NR3C2: variants seen among roughly 807,000 people sequenced by gnomAD.
The protein encoded by NR3C2 is nuclear receptor subfamily 3 group C member 2.
A neutral mutation model predicts 86.4 loss-of-function variants in NR3C2; 15 were observed. The observed-to-expected ratio is 0.17, with a 90% CI of 0.12 to 0.27. The LOEUF (loss-of-function observed/expected upper bound fraction) is 0.27, where lower values mean the gene tolerates loss of function less well. NR3C2 is among the 10% of genes least tolerant of loss of function. NR3C2 has a pLI of 1.00. For synonymous variants in NR3C2, 458 were observed against 450.5 expected (o/e 1.02, Z -0.21); for missense variants, 960 against 1,195.6 (o/e 0.80, Z 2.91).
chr4:148,443,147 G>A (rs535593340), upstream of NR3C2, among the ~76,000 whole-genome samples: 43 of 128,776 alleles, frequency 3.3e-4, no homozygotes, highest in East Asian at 9.9e-3. Context: ...CACTCGATTT[G>A]AATTTAGTTG....
chr4:148,134,639 C>CTTTTTTTTTTT (rs1560938861), intron 6 of NR3C2, among the ~76,000 whole-genome samples: 87 of 58,036 alleles, frequency 1.5e-3, no homozygotes, highest in Non-Finnish European at 2.9e-3. Context: ...CTCTCTCTCT[C>CTTTTTTTTTTT]TCTCTTTTTT....
chr4:148,268,129 T>C (rs1352088803), intron 2 of NR3C2, among the ~76,000 whole-genome samples: 2 of 152,030 alleles, frequency 1.3e-5, no homozygotes, highest in East Asian at 3.9e-4. Flanking sequence ...TTAGTAGAGA[T>C]GAGGTTTCAC....
chr4:148,095,599 C>T (rs1285138456), intron 8 of NR3C2, among the ~76,000 whole-genome samples: 1 of 152,174 alleles, frequency 6.6e-6, no homozygotes, highest in South Asian at 2.1e-4. Context: ...AGTGAGCATG[C>T]TCGGTGCAGC....
At chr4:148,240,412 T>C (rs1229769016) in intron 3 of NR3C2, among the ~76,000 whole-genome samples, 3 of 152,024 alleles carry the variant, frequency 2.0e-5, no homozygotes, top group Admixed American at 1.3e-4. Flanking sequence ...GGACAGTGCA[T>C]GTTTCAAGTA....
chr4:148,096,258 G>A (rs1731271745), intron 8 of NR3C2, among the ~76,000 whole-genome samples: 1 of 152,152 alleles, frequency 6.6e-6, no homozygotes, highest in South Asian at 2.1e-4. Context: ...TGAAAGGGTG[G>A]TGTTTGAAAT....
At chr4:148,276,325 G>GT (rs1053669316) in intron 2 of NR3C2, among the ~76,000 whole-genome samples, 57 of 152,132 alleles carry the variant, frequency 3.7e-4, no homozygotes, top group Admixed American at 1.4e-3. Flanking sequence ...TGCCTGTATG[G>GT]TTTTTTCAAT....
In NR3C2 at chr4:148,080,836, C is replaced by CTGT. The variant is rs1182602524; in HGVS notation, c.*505_*507dup. On this transcript the variant is annotated 3_prime_UTR_variant, in exon 9 of 9. Coordinates refer to ENST00000358102, the MANE Select transcript of NR3C2 (RefSeq NM_000901.5). ...CAGCTGCTGCCCCACGCCACGAGTT[C>CTGT]TGTTATTACACAACAGGAATCTGTA... 1.9e-5 allele frequency: 8 copies of CTGT among 421,728 alleles called. No homozygotes were observed. The highest frequency in any genetic ancestry group is 1.6e-4 in the African/African-American group (8 of 48,946). 26.1% of individuals were successfully genotyped at this position (421,728 alleles called of 1,614,324 possible).
chr4:148,113,021 G>A (rs550084726), intron 8 of NR3C2, among the ~76,000 whole-genome samples: 64 of 152,288 alleles, frequency 4.2e-4, no homozygotes, highest in African/African-American at 1.5e-3. Context: ...GCATGACTGC[G>A]TACAACATCG....
intron 2 of NR3C2, among the ~76,000 whole-genome samples, chr4:148,327,129 G>C (rs1744010263): frequency 6.6e-6 from 1 of 152,144 alleles, no homozygotes. Flanking sequence ...AAAGATGTGA[G>C]AGGGGTTAGG....
At chr4:148,191,468 G>A (rs143303212) in intron 4 of NR3C2, among the ~76,000 whole-genome samples, 112 of 152,322 alleles carry the variant, frequency 7.4e-4, no homozygotes, top group Non-Finnish European at 1.4e-3. Context: ...CCTAGGCAAT[G>A]ATCTTTCTGT....
At chr4:148,106,183 A>G (rs923733660) in intron 8 of NR3C2, among the ~76,000 whole-genome samples, 8 of 152,238 alleles carry the variant, frequency 5.3e-5, no homozygotes, top group African/African-American at 1.9e-4. Flanking sequence ...TATAAAATAA[A>G]TGTGCAAAAA....
At chr4:148,369,924 A>T (rs1335836840) in intron 2 of NR3C2, among the ~76,000 whole-genome samples, 2 of 152,232 alleles carry the variant, frequency 1.3e-5, no homozygotes, top group Non-Finnish European at 2.9e-5. Context: ...GGTGAAATTG[A>T]TGGGCACTGA....
chr4:148,087,132 C>T (rs1333319765), intron 8 of NR3C2, among the ~76,000 whole-genome samples: 2 of 152,156 alleles, frequency 1.3e-5, no homozygotes, highest in African/African-American at 4.8e-5. Flanking sequence ...CAATAATAGA[C>T]AAACAGCCAA....
intron 6 of NR3C2, among the ~76,000 whole-genome samples, chr4:148,135,030 C>T (rs1346290251): frequency 6.6e-6 from 1 of 152,022 alleles, no homozygotes; most frequent in African/African-American, 2.4e-5. Context: ...CAGTCCAAGC[C>T]CTCCCTCACT....
At chr4:148,193,022 C>T (rs570694050) in intron 4 of NR3C2, among the ~76,000 whole-genome samples, 1 of 152,334 alleles carries the variant, frequency 6.6e-6, no homozygotes, top group South Asian at 2.1e-4. Context: ...CAAATTGTTA[C>T]AAAGTTCAGC....
At chr4:148,425,930 C>A (rs1173178715) in intron 2 of NR3C2, among the ~76,000 whole-genome samples, 2 of 152,172 alleles carry the variant, frequency 1.3e-5, no homozygotes, top group Non-Finnish European at 2.9e-5. Context: ...AAAACTCTCA[C>A]AGTTAAATAT....
chr4:148,442,748 T>TG, upstream of NR3C2: 2 of 985,366 alleles, frequency 2.0e-6, no homozygotes, highest in South Asian at 9.4e-5. Flanking sequence ...GGCGGGAGCT[T>TG]GGGGTGCCGG....
intron 8 of NR3C2, among the ~76,000 whole-genome samples, chr4:148,100,785 A>C (rs1185897655): frequency 6.6e-6 from 1 of 152,256 alleles, no homozygotes; most frequent in Non-Finnish European, 1.5e-5. Context: ...TAGCAGCACT[A>C]TTCACAATAG....
chr4:148,214,355 T>C (rs551225333), intron 3 of NR3C2, among the ~76,000 whole-genome samples: 1 of 152,288 alleles, frequency 6.6e-6, no homozygotes, highest in African/African-American at 2.4e-5. Context: ...ATTGGTGTTT[T>C]TGAAGAGTTT....
Sources: gnomAD v4.1 joint callset for allele counts (sites outside exome capture counted in the v4.1 genomes callset) on GRCh38, gnomAD v4.1.1 for gene constraint, MANE v1.5 for transcripts, NCBI Gene and HGNC (gene_info 2026-07-23, HGNC 2026-07-21) for gene names.